Variants in CCDC7 observed in about 807,000 individuals in gnomAD.
CCDC7 encodes coiled-coil domain containing 7.
CCDC7 carries 183 observed loss-of-function variants against 196.9 expected under a neutral mutation model. The observed-to-expected ratio is 0.93, with a 90% confidence interval of 0.82 to 1.05. CCDC7 has a LOEUF of 1.05. Among genes scored for constraint, CCDC7 ranks in the 50% least tolerant of loss-of-function variants. CCDC7 has a pLI of 0.00. For missense variants in CCDC7, 1,540 were observed against 1,482.2 expected (o/e 1.04, Z -0.64); for synonymous variants, 525 against 484.6 (o/e 1.08, Z -1.10).
chr10:32,559,294 C>G (rs1453853677), intron 13 of CCDC7, among the ~76,000 whole-genome samples: 1 of 152,204 alleles, frequency 6.6e-6, no homozygotes, highest in Non-Finnish European at 1.5e-5. Context: ...TTAAATGTCC[C>G]TGTCTGACAG....
chr10:32,585,652 T>C (rs535334913), intron 18 of CCDC7, among the ~76,000 whole-genome samples: 55 of 152,270 alleles, frequency 3.6e-4, no homozygotes, highest in African/African-American at 1.3e-3. Flanking sequence ...GTGTTAAGTT[T>C]GTAGAGAATG....
intron 21 of CCDC7, among the ~76,000 whole-genome samples, chr10:32,665,007 G>C (rs1201200617): frequency 2.0e-5 from 3 of 151,842 alleles, no homozygotes; most frequent in African/African-American, 4.8e-5. Context: ...AGTTACTTTA[G>C]TGTGTGGGAA....
intron 14 of CCDC7, among the ~76,000 whole-genome samples, chr10:32,566,505 C>G (rs1332518983): frequency 6.6e-6 from 1 of 151,990 alleles, no homozygotes; most frequent in African/African-American, 2.4e-5. Context: ...ACTTCTATTA[C>G]CTATTCTGAT....
chr10:32,844,544 T>A (rs2093167167), intron 33 of CCDC7, among the ~76,000 whole-genome samples: 1 of 151,914 alleles, frequency 6.6e-6, no homozygotes, highest in Admixed American at 6.6e-5. Flanking sequence ...TGTTATGTTT[T>A]ATCTCACCAG....
chr10:32,721,304 T>C (rs1482634315), intron 25 of CCDC7, among the ~76,000 whole-genome samples: 4 of 152,118 alleles, frequency 2.6e-5, no homozygotes, highest in Non-Finnish European at 5.9e-5. Flanking sequence ...TTTTGGGAGA[T>C]TATGAATTCA....
In CCDC7 at chr10:32,477,331, C is replaced by T. The variant is rs550346744; in HGVS notation, c.796+3308C>T. On this transcript the variant is annotated intron_variant, in intron 8 of 41. Coordinates refer to ENST00000639629, the Ensembl canonical transcript of CCDC7. ...GATTCTCCTGCCTCAGCCTCCCTAG[C>T]AGCTGGGACCACAGGCGTGCGCCAC... Among the ~76,000 whole-genome samples the T allele has an allele frequency of 3.3e-5, 5 of 151,840 alleles. No individual in the cohort carries two copies. In the South Asian group the frequency reaches 1.0e-3, roughly 32 times the overall value.
chr10:32,711,513 T>C, intron 24 of CCDC7, 107 bp from the exon 26 acceptor site: 1 of 663,096 alleles, frequency 1.5e-6, no homozygotes, highest in Non-Finnish European at 2.6e-6. Flanking sequence ...CTTATAACTT[T>C]ATAAGATGAA....
chr10:32,568,470 T>C (rs868572978), intron 15 of CCDC7, among the ~76,000 whole-genome samples: 104 of 152,310 alleles, frequency 6.8e-4, no homozygotes, highest in African/African-American at 2.2e-3. Context: ...ATAATTTTTA[T>C]TGTGAACTAC....
intron 21 of CCDC7, among the ~76,000 whole-genome samples, chr10:32,682,184 C>T (rs2075950289): frequency 6.6e-6 from 1 of 152,146 alleles, no homozygotes; most frequent in Admixed American, 6.5e-5. Flanking sequence ...ACCCTCCACC[C>T]TCAAGTAAGC....
At chr10:32,634,985 C>G (rs1590882432) in intron 19 of CCDC7, 72 bp from the exon 21 acceptor site, 1 of 396,826 alleles carries the variant, frequency 2.5e-6, no homozygotes, top group Non-Finnish European at 4.4e-6. Flanking sequence ...TAATTTTACA[C>G]AAATGAGAGG....
At chr10:32,715,899 A>G (rs573774137) in intron 25 of CCDC7, among the ~76,000 whole-genome samples, 2 of 152,310 alleles carry the variant, frequency 1.3e-5, no homozygotes, top group East Asian at 3.9e-4. Context: ...ATATGGGACT[A>G]TGTGAAAAGA....
Position 32,518,425 on chromosome 10 carries a change from C to A in CCDC7, c.913C>A (p.Gln305Lys), listed in dbSNP as rs765526670. Reference sequence around the variant, plus strand: ...AATTATTTGTTTTTAGGAATACAAACAGATGCAGTGTGATTTTCAGTTGTT... The same window carrying A: ...AATTATTTGTTTTTAGGAATACAAAAAGATGCAGTGTGATTTTCAGTTGTT... Residue 305 changes from glutamine to lysine, a missense_variant, in exon 11 of 42, where the codon CAG becomes AAG. By Grantham distance (53) the Gln-to-Lys change is moderately conservative (BLOSUM62 1). Transcript: ENST00000639629. The A allele has an allele frequency of 8.7e-6, 14 of 1,600,190 alleles. No individual in the cohort carries two copies. The highest frequency in any genetic ancestry group is 2.7e-5 in the African/African-American group (2 of 74,188).
At chr10:32,542,516 C>G (rs2051632292) in intron 11 of CCDC7, among the ~76,000 whole-genome samples, 4 of 151,356 alleles carry the variant, frequency 2.6e-5, no homozygotes, top group Admixed American at 2.6e-4. Flanking sequence ...CCCTGTAGTC[C>G]CAGCTACTGA....
chr10:32,765,940 T>G (rs1446965210), intron 28 of CCDC7, among the ~76,000 whole-genome samples: 2 of 152,112 alleles, frequency 1.3e-5, no homozygotes, highest in Non-Finnish European at 2.9e-5. Flanking sequence ...CAATGCATCT[T>G]CACTGTCCTA....
In CCDC7 at chr10:32,771,674, T is replaced by TG. The variant is rs200974789; in HGVS notation, c.2906-7298dup. Among the ~76,000 whole-genome samples, 1,337 of 152,242 alleles carry TG rather than the reference T, an allele frequency of 8.8e-3. 14 individuals are homozygous for TG. The highest frequency in any genetic ancestry group is 0.029 in the African/African-American group (1,217 of 41,554). ...TAGTGGGTACCAGCACCAGCTTTAATGGGGGTGGCAGGAGAGTCACATAGA... is the reference window on the plus strand; with the variant it reads ...TAGTGGGTACCAGCACCAGCTTTAATGGGGGGTGGCAGGAGAGTCACATAGA... On this transcript the variant is annotated intron_variant, in intron 28 of 41. Coordinates refer to ENST00000639629, the Ensembl canonical transcript of CCDC7.
intron 29 of CCDC7, among the ~76,000 whole-genome samples, chr10:32,790,157 C>G (rs1300400365): frequency 2.6e-5 from 4 of 152,166 alleles, no homozygotes; most frequent in Non-Finnish European, 5.9e-5. Context: ...TTTGAAATCT[C>G]ATGGCCAGCC....
chr10:32,603,581 A>G (rs1480052254), intron 18 of CCDC7, among the ~76,000 whole-genome samples: 1 of 57,122 alleles, frequency 1.8e-5, no homozygotes, highest in Non-Finnish European at 4.6e-5. Flanking sequence ...CATGTGTGAT[A>G]GTTCTTTTTT....
At position 32,505,675 on chromosome 10, in the gene CCDC7, G is replaced by A. The variant is rs564451769; in HGVS notation, c.873-12270G>A. On this transcript the variant is annotated intron_variant, in intron 9 of 41. Coordinates refer to ENST00000639629, the Ensembl canonical transcript of CCDC7. Reference sequence around the variant, plus strand: ...AAAACCGCCACTGTCATCATGGCCCGTTCTCGATGGTCGCTGTCTCTTCGG... The same window carrying A: ...AAAACCGCCACTGTCATCATGGCCCATTCTCGATGGTCGCTGTCTCTTCGG... 9.9e-5 allele frequency among the ~76,000 whole-genome samples: 15 copies of A among 152,028 alleles called. No homozygotes were observed. The East Asian group carries it at 1.2e-3, about 12-fold the overall frequency.
At chr10:32,661,993 G>A (rs2071571252) in intron 20 of CCDC7, among the ~76,000 whole-genome samples, 1 of 152,044 alleles carries the variant, frequency 6.6e-6, no homozygotes, top group Admixed American at 6.6e-5. Flanking sequence ...TTAAGTTCCA[G>A]GGAACTTTTA....
Sources: gnomAD v4.1 joint callset for allele counts (sites outside exome capture counted in the v4.1 genomes callset) on GRCh38, gnomAD v4.1.1 for gene constraint, MANE v1.5 for transcripts, NCBI Gene and HGNC (gene_info 2026-07-23, HGNC 2026-07-21) for gene names.